The following INPP4A variants were observed in gnomAD, a reference collection of about 807,000 sequenced individuals.
INPP4A encodes inositol polyphosphate-4-phosphatase type I A, also known as inositol polyphosphate-4-phosphatase, type I, 107kD.
Under a neutral mutation model 119.8 loss-of-function variants are expected in INPP4A, and 33 were observed. The ratio of observed to expected loss-of-function variants is 0.28; its 90% confidence interval spans 0.21 to 0.37. The LOEUF (loss-of-function observed/expected upper bound fraction) is 0.37, where lower values mean the gene tolerates loss of function less well. Among genes scored for constraint, INPP4A ranks in the 10% least tolerant of loss-of-function variants. INPP4A has a pLI of 1.00. For missense variants in INPP4A, 956 were observed against 1,289.9 expected (o/e 0.74, Z 3.97); for synonymous variants, 496 against 500.7 (o/e 0.99, Z 0.12).
intron 16 of INPP4A, among the ~76,000 whole-genome samples, chr2:98,558,477 C>A (rs902373406): frequency 6.6e-6 from 1 of 152,154 alleles, no homozygotes; most frequent in Non-Finnish European, 1.5e-5. Context: ...CTTGCAGATG[C>A]CTTTGTATTC....
chr2:98,482,635 G>A (rs1184711931), intron 1 of INPP4A, among the ~76,000 whole-genome samples: 1 of 152,222 alleles, frequency 6.6e-6, no homozygotes, highest in Non-Finnish European at 1.5e-5. Context: ...GGAGGCCAGC[G>A]ACCAGCCAGT....
At position 98,573,156 on chromosome 2, in the gene INPP4A, G is replaced by A. The variant is rs74496080; in HGVS notation, c.2631+229G>A. ...AAGCTTAACACAGTCCATCTCTTGG[G>A]GCATTTACTAGCCAGGCTGATGACA... On this transcript the variant is annotated intron_variant, in intron 23 of 24. Coordinates refer to ENST00000409851, the MANE Select transcript of INPP4A (RefSeq NM_001134225.2). Among the ~76,000 whole-genome samples the A allele has an allele frequency of 6.8e-4, 103 of 152,236 alleles. 2 individuals carry two copies. In the East Asian group the frequency reaches 0.01, roughly 15 times the overall value.
In INPP4A at chr2:98,498,227, C is replaced by T. The variant is rs543079935; in HGVS notation, c.-165-20737C>T. 7.2e-5 allele frequency among the ~76,000 whole-genome samples: 11 copies of T among 151,940 alleles called. 1 individual carries two copies. The South Asian group carries it at 2.1e-3, about 29-fold the overall frequency. Reference sequence around the variant, plus strand: ...ATTCCCATGTGTTGTTGGGGGGACCCTGTGGGAGATAACTGAATCATGGGG... The same window carrying T: ...ATTCCCATGTGTTGTTGGGGGGACCTTGTGGGAGATAACTGAATCATGGGG... On this transcript the variant is annotated intron_variant, in intron 1 of 24. Transcript: ENST00000409851.
chr2:98,461,137 G>A (rs1049495535), intron 1 of INPP4A, among the ~76,000 whole-genome samples: 1 of 152,150 alleles, frequency 6.6e-6, no homozygotes, highest in African/African-American at 2.4e-5. Context: ...CTGGCGAGGG[G>A]GTGGTTTGGT....
chr2:98,581,669 C>G, intron 24 of INPP4A: 1 of 1,606,522 alleles, frequency 6.2e-7, no homozygotes, highest in Non-Finnish European at 8.5e-7. Flanking sequence ...TCTGTTCCAT[C>G]CCTTTATTAG....
At chr2:98,455,267 G>A (rs1279954323) in intron 1 of INPP4A, among the ~76,000 whole-genome samples, 3 of 152,124 alleles carry the variant, frequency 2.0e-5, no homozygotes, top group Admixed American at 2.0e-4. Context: ...GAATCCAGGA[G>A]GTCGAGGCTG....
At chr2:98,490,507 A>G (rs1680490583) in intron 1 of INPP4A, among the ~76,000 whole-genome samples, 1 of 152,094 alleles carries the variant, frequency 6.6e-6, no homozygotes, top group Non-Finnish European at 1.5e-5. Context: ...CACCTGTGGT[A>G]TCATGGTTAT....
Position 98,555,543 on chromosome 2 carries a change from G to A in INPP4A, c.1567-10G>A. ...AGAGCTGACCCACATGGGCCCCTTT[G>A]ATTTGGAAGGAGAAAGTGTGGCTGA... On this transcript the variant is annotated splice_polypyrimidine_tract_variant and intron_variant, in intron 15 of 24. Coordinates refer to ENST00000409851, the MANE Select transcript of INPP4A (RefSeq NM_001134225.2). 6.3e-7 allele frequency: 1 copy of A among 1,588,944 alleles called. No individual in the cohort carries two copies. The highest frequency in any genetic ancestry group is 1.1e-5 in the South Asian group (1 of 87,654).
intron 1 of INPP4A, 127 bp from the exon 2 acceptor site, chr2:98,518,837 G>A (rs978449088): frequency 6.6e-6 from 1 of 152,226 alleles, no homozygotes; most frequent in African/African-American, 2.4e-5. Flanking sequence ...GAGCCAGAAG[G>A]TTGGATTGGG....
rs1575150921 is a variant in INPP4A, at chr2:98,574,242, T to TG, written c.2631+1321dup. Among the ~76,000 whole-genome samples, 6 of 151,882 alleles carry TG rather than the reference T, an allele frequency of 4.0e-5. No homozygotes were observed. The South Asian group carries it at 1.0e-3, about 26-fold the overall frequency. On this transcript the variant is annotated intron_variant, in intron 23 of 24. Transcript: ENST00000409851. ...GGGGGCTCCCTACTTTTATTTTTCC[T>TG]GGGGGGTTGCTAAACCCCCCTGGCC...
intron 2 of INPP4A, chr2:98,519,434 C>G (rs1280605115): frequency 6.6e-6 from 1 of 152,450 alleles, no homozygotes; most frequent in Admixed American, 6.5e-5. Flanking sequence ...GCCTGAGACC[C>G]AGACACACGT....
intron 10 of INPP4A, among the ~76,000 whole-genome samples, chr2:98,540,775 G>A (rs1290873882): frequency 1.3e-5 from 2 of 152,176 alleles, no homozygotes; most frequent in African/African-American, 2.4e-5. Context: ...ATCCATTCAT[G>A]AGGGCAGAGC....
chr2:98,580,384 C>A (rs966933448), intron 24 of INPP4A, among the ~76,000 whole-genome samples: 3 of 152,210 alleles, frequency 2.0e-5, no homozygotes, highest in Non-Finnish European at 4.4e-5. Flanking sequence ...GTAATGTTTG[C>A]CATTTCTGTG....
At chr2:98,563,388 G>T in intron 17 of INPP4A, 77 bp from the exon 18 acceptor site, 1 of 1,370,354 alleles carries the variant, frequency 7.3e-7, no homozygotes, top group Non-Finnish European at 1.0e-6. Flanking sequence ...TTAGGGGCCA[G>T]GTGACTTGTT....
At chr2:98,508,789 C>T (rs547704323) in intron 1 of INPP4A, among the ~76,000 whole-genome samples, 8 of 152,180 alleles carry the variant, frequency 5.3e-5, no homozygotes, top group Non-Finnish European at 1.0e-4. Flanking sequence ...TCCTGGTGCA[C>T]GCTGACTGCA....
chr2:98,487,756 C>A (rs986870051), intron 1 of INPP4A, among the ~76,000 whole-genome samples: 4 of 152,284 alleles, frequency 2.6e-5, no homozygotes, highest in Middle Eastern at 3.4e-3. Flanking sequence ...AGAAATGTTA[C>A]CCATTGTTTT....
intron 13 of INPP4A, among the ~76,000 whole-genome samples, chr2:98,550,936 G>A (rs1478922158): frequency 6.6e-6 from 1 of 151,922 alleles, no homozygotes; most frequent in Non-Finnish European, 1.5e-5. Context: ...AATATTGGGG[G>A]CCTGGGAAGA....
intron 1 of INPP4A, among the ~76,000 whole-genome samples, chr2:98,461,335 G>A (rs769230082): frequency 6.6e-6 from 1 of 152,240 alleles, no homozygotes; most frequent in Non-Finnish European, 1.5e-5. Context: ...GGAGAGCAAG[G>A]GATGCTCATT....
At chr2:98,505,415 C>T (rs1683856933) in intron 1 of INPP4A, among the ~76,000 whole-genome samples, 1 of 142,160 alleles carries the variant, frequency 7.0e-6, no homozygotes, top group Admixed American at 7.2e-5. Flanking sequence ...GAGTGATGAG[C>T]TCGTTCACTT....
Sources: gnomAD v4.1 joint callset for allele counts (sites outside exome capture counted in the v4.1 genomes callset) on GRCh38, gnomAD v4.1.1 for gene constraint, MANE v1.5 for transcripts, NCBI Gene and HGNC (gene_info 2026-07-23, HGNC 2026-07-21) for gene names.